EML6: variants seen among roughly 807,000 people sequenced by gnomAD.
EML6 encodes the protein echinoderm microtubule-associated protein-like 6.
EML6 carries 154 observed loss-of-function variants against 240.1 expected under a neutral mutation model. The ratio of observed to expected loss-of-function variants is 0.64; its 90% confidence interval spans 0.56 to 0.73. The LOEUF is 0.73. Ranked by LOEUF, EML6 falls within the 30% of genes least tolerant of loss-of-function variation. The pLI, the probability that EML6 is intolerant of heterozygous loss-of-function variation, is 0.00. For synonymous variants in EML6, 1,148 were observed against 899.0 expected, an observed-to-expected ratio of 1.28 and a Z score of -4.95; for missense variants, 2,964 against 2,474.6, an observed-to-expected ratio of 1.20 and a Z score of -4.20.
chr2:54,937,769 A>T (rs1366984674), intron 28 of EML6, among the ~76,000 whole-genome samples: 2 of 152,048 alleles, frequency 1.3e-5, no homozygotes, highest in Non-Finnish European at 2.9e-5. Flanking sequence ...GCCATCTTCT[A>T]AAAAAAGTTT....
intron 2 of EML6, among the ~76,000 whole-genome samples, chr2:54,793,153 G>A (rs897534974): frequency 6.6e-6 from 1 of 152,114 alleles, no homozygotes; most frequent in Non-Finnish European, 1.5e-5. Context: ...TGTAATCTCA[G>A]CTACTAGGGA....
intron 24 of EML6, among the ~76,000 whole-genome samples, 196 bp downstream of exon 24, chr2:54,903,698 C>T (rs996358325): frequency 2.6e-5 from 4 of 152,196 alleles, no homozygotes; most frequent in African/African-American, 9.7e-5. Flanking sequence ...TCTTTTTACG[C>T]TTAGGATGAT....
At chr2:54,951,702 G>GA (rs11355745) in intron 30 of EML6, among the ~76,000 whole-genome samples, 11,145 of 147,104 alleles carry the variant, frequency 0.076, 1,291 homozygotes, top group African/African-American at 0.25. Flanking sequence ...CATGCCTCAA[G>GA]AAAAAAAAAA....
intron 28 of EML6, among the ~76,000 whole-genome samples, chr2:54,942,390 T>C (rs953774676): frequency 2.6e-5 from 4 of 152,178 alleles, no homozygotes; most frequent in Non-Finnish European, 5.9e-5. Context: ...GTGGCAGAGT[T>C]GGGTCTGATT....
At chr2:54,850,256 A>C in intron 10 of EML6, 38 bp downstream of exon 10, 1 of 1,533,292 alleles carries the variant, frequency 6.5e-7, no homozygotes, top group Non-Finnish European at 8.8e-7. Context: ...TCTGGAAAGC[A>C]AAATTTTGAA....
intron 17 of EML6, among the ~76,000 whole-genome samples, chr2:54,886,362 T>C (rs1471030688): frequency 6.6e-6 from 1 of 152,060 alleles, no homozygotes; most frequent in Non-Finnish European, 1.5e-5. Flanking sequence ...AGATGGGGTT[T>C]CACAATGTTG....
At chr2:54,866,931 C>A in intron 14 of EML6, 47 bp downstream of exon 14, 1 of 1,138,562 alleles carries the variant, frequency 8.8e-7, no homozygotes, top group South Asian at 1.3e-5. Flanking sequence ...CTGTCTCTGC[C>A]TGGCTGTCAC....
intron 7 of EML6, among the ~76,000 whole-genome samples, chr2:54,839,001 C>T (rs1413193534): frequency 1.3e-5 from 2 of 152,220 alleles, no homozygotes; most frequent in African/African-American, 2.4e-5. Context: ...ATTTCTCTGA[C>T]TCCCAGAGCA....
At chr2:54,755,195 A>G (rs1370056806) in intron 2 of EML6, among the ~76,000 whole-genome samples, 8 of 152,214 alleles carry the variant, frequency 5.3e-5, no homozygotes, top group African/African-American at 1.9e-4. Flanking sequence ...GGCAGCCCTA[A>G]TAAGTCTGTT....
chr2:54,908,934 T>C (rs979731044), intron 24 of EML6, among the ~76,000 whole-genome samples: 2 of 152,180 alleles, frequency 1.3e-5, no homozygotes, highest in South Asian at 2.1e-4. Context: ...TAGGGGACCC[T>C]ACAAGCTGTC....
chr2:54,890,914 T>A, intron 17 of EML6, 140 bp from the exon 18 acceptor site: 1 of 456,392 alleles, frequency 2.2e-6, no homozygotes. Flanking sequence ...TTAATGTAGA[T>A]GCCCGTGTGG....
intron 28 of EML6, among the ~76,000 whole-genome samples, chr2:54,947,202 C>T (rs1476646190): frequency 6.6e-6 from 1 of 152,066 alleles, no homozygotes; most frequent in Non-Finnish European, 1.5e-5. Context: ...AAGAAACCCA[C>T]GGATTTCATT....
intron 38 of EML6, among the ~76,000 whole-genome samples, chr2:54,965,647 G>GA (rs1676715752): frequency 6.6e-6 from 1 of 152,130 alleles, no homozygotes; most frequent in Non-Finnish European, 1.5e-5. Context: ...GGGAGTTGAA[G>GA]CTGTCTTCCT....
chr2:54,945,968 C>G (rs1675676898), intron 28 of EML6, among the ~76,000 whole-genome samples: 1 of 152,210 alleles, frequency 6.6e-6, no homozygotes. Flanking sequence ...CCCACAGGCA[C>G]TGAAGAGCAG....
intron 28 of EML6, among the ~76,000 whole-genome samples, chr2:54,932,689 C>G (rs964097481): frequency 6.6e-6 from 1 of 152,142 alleles, no homozygotes; most frequent in Non-Finnish European, 1.5e-5. Flanking sequence ...ATTTAAGATA[C>G]AAAATGCTTA....
chr2:54,968,611 G>C (rs1210885143), intron 40 of EML6, 57 bp from the exon 41 acceptor site: 2 of 993,978 alleles, frequency 2.0e-6, no homozygotes, highest in Non-Finnish European at 1.6e-6. Flanking sequence ...GAAGTAGTCT[G>C]TGGTTGCTGA....
In EML6 at chr2:54,895,273, G is replaced by T; in HGVS notation, c.2855G>T (p.Gly952Val). The change falls in exon 21 of 42, where the codon GGC becomes GTC. Residue 952 changes from glycine (G) to valine (V), a missense_variant and splice_region_variant. Gly to Val is a moderately radical substitution (Grantham distance 109). Coordinates refer to ENST00000356458, the MANE Select transcript of EML6 (RefSeq NM_001039753.4). Reference sequence around the variant, plus strand: ...TTAAATATACCATCCCCTTCCCCAGGCTTGCTTTTGGAAGATAACCCTTCA... The same window carrying T: ...TTAAATATACCATCCCCTTCCCCAGTCTTGCTTTTGGAAGATAACCCTTCA... Reference protein sequence around the residue: ...KRSALSTSSKGLLLEDNPSIR... With the variant: ...KRSALSTSSKVLLLEDNPSIR... The T allele has an allele frequency of 6.4e-7, 1 of 1,551,500 alleles. No individual in the cohort carries two copies. The highest frequency in any genetic ancestry group is 2.4e-5 in the East Asian group (1 of 40,910).
At position 54,963,933 on chromosome 2, in the gene EML6, A is replaced by C; in HGVS notation, c.5158-53A>C. On this transcript the variant is annotated intron_variant, in intron 36 of 41. Coordinates refer to ENST00000356458, the MANE Select transcript of EML6 (RefSeq NM_001039753.4). Reference sequence around the variant, plus strand: ...TGGCCTGGTGCAGAATGTCTCCTGGAGACCAGCTGAGGGGGCCAAGAGCTC... The same window carrying C: ...TGGCCTGGTGCAGAATGTCTCCTGGCGACCAGCTGAGGGGGCCAAGAGCTC... 5 of 1,494,482 alleles carry C rather than the reference A, an allele frequency of 3.3e-6. No individual in the cohort carries two copies. In the South Asian group the frequency reaches 6.6e-5, roughly 20 times the overall value. The allele number at this position is 1,494,482 out of a possible 1,614,324, so 92.6% of individuals were successfully genotyped here. A position where few individuals can be genotyped will look rare whatever the true frequency, so the allele number is the denominator to read the frequency against.
chr2:54,777,780 G>A (rs755905339), intron 2 of EML6, among the ~76,000 whole-genome samples: 2 of 152,114 alleles, frequency 1.3e-5, no homozygotes, highest in Non-Finnish European at 2.9e-5. Context: ...GTGCTTGCTC[G>A]AAAGTACCCA....
Sources: gnomAD v4.1 joint callset for allele counts (sites outside exome capture counted in the v4.1 genomes callset) on GRCh38, gnomAD v4.1.1 for gene constraint, MANE v1.5 for transcripts, NCBI Gene and HGNC (gene_info 2026-07-23, HGNC 2026-07-21) for gene names.